Variants in FAM3B observed in about 807,000 individuals in gnomAD.
FAM3B encodes protein FAM3B.
Under a neutral mutation model 28.4 loss-of-function variants are expected in FAM3B, and 29 were observed. That is an observed-to-expected ratio of 1.02 (90% CI 0.76 to 1.39). The LOEUF (loss-of-function observed/expected upper bound fraction) is 1.39, where lower values mean the gene tolerates loss of function less well. Among genes scored for constraint, FAM3B ranks in the 40% most tolerant of loss-of-function variants. The pLI, the probability that FAM3B is intolerant of heterozygous loss-of-function variation, is 0.00. For synonymous variants in FAM3B, 91 were observed against 103.0 expected, an observed-to-expected ratio of 0.88 and a Z score of 0.71; for missense variants, 266 against 293.9, an observed-to-expected ratio of 0.91 and a Z score of 0.69.
At chr21:41,314,233 C>T (rs2088731730), upstream of FAM3B, among the ~76,000 whole-genome samples, 1 of 152,216 alleles carries the variant, frequency 6.6e-6, no homozygotes, top group South Asian at 2.1e-4. Flanking sequence ...GATCAGTCTG[C>T]AAGCCAGGGA....
At chr21:41,346,936 C>T in intron 5 of FAM3B, 77 bp from the exon 6 acceptor site, 2 of 1,274,174 alleles carry the variant, frequency 1.6e-6, no homozygotes, top group South Asian at 1.2e-5. Flanking sequence ...AATGCAGGTG[C>T]AGGAGGAAGC....
At chr21:41,354,280 A>T (rs556003807) in intron 7 of FAM3B, among the ~76,000 whole-genome samples, 16 of 152,378 alleles carry the variant, frequency 1.1e-4, no homozygotes, top group Admixed American at 2.0e-4. Context: ...CAATCCCATT[A>T]CTGGGAATAT....
intron 7 of FAM3B, among the ~76,000 whole-genome samples, chr21:41,351,419 A>G (rs1263749663): frequency 6.6e-6 from 1 of 152,178 alleles, no homozygotes. Flanking sequence ...TAAACACAGC[A>G]AGCAGTCAGT....
intron 1 of FAM3B, among the ~76,000 whole-genome samples, chr21:41,321,371 G>T (rs931439346): frequency 2.6e-5 from 4 of 152,232 alleles, no homozygotes. Flanking sequence ...TCCTGCAGAG[G>T]AGTGAGCCCG....
intron 2 of FAM3B, among the ~76,000 whole-genome samples, chr21:41,336,119 G>A (rs549987769): frequency 1.2e-4 from 18 of 152,274 alleles, no homozygotes; most frequent in African/African-American, 2.4e-4. Flanking sequence ...ATGTTTGCCC[G>A]TTTCCACCAT....
At chr21:41,322,368 C>T (rs1422193706) in intron 1 of FAM3B, among the ~76,000 whole-genome samples, 2 of 152,156 alleles carry the variant, frequency 1.3e-5, no homozygotes, top group East Asian at 3.8e-4. Context: ...GATGATAGAA[C>T]AGGTTTGGGG....
chr21:41,352,342 G>A (rs991052199), intron 7 of FAM3B, among the ~76,000 whole-genome samples: 1 of 151,916 alleles, frequency 6.6e-6, no homozygotes, highest in African/African-American at 2.4e-5. Context: ...CCTCAAGGCT[G>A]TTTCTTCTGA....
At chr21:41,307,904 G>A (rs1317992502) in intron 1 of FAM3B, among the ~76,000 whole-genome samples, 3 of 152,172 alleles carry the variant, frequency 2.0e-5, no homozygotes, top group Admixed American at 2.0e-4. Flanking sequence ...GCGCCACAGA[G>A]ACAGGAAGTA....
intron 1 of FAM3B, 129 bp from the exon 2 acceptor site, chr21:41,322,794 A>G (rs2088818548): frequency 7.1e-7 from 1 of 1,400,238 alleles, no homozygotes; most frequent in Non-Finnish European, 1.0e-6. Flanking sequence ...TCCTCCCAGG[A>G]GCACAGTGCC....
chr21:41,318,794 C>T (rs1184731942), intron 1 of FAM3B, among the ~76,000 whole-genome samples: 2 of 152,196 alleles, frequency 1.3e-5, no homozygotes, highest in Admixed American at 6.6e-5. Flanking sequence ...TTTTAGGTGG[C>T]CCTTGGACTG....
chr21:41,323,225 G>A (rs1016165398), intron 2 of FAM3B, among the ~76,000 whole-genome samples, 159 bp downstream of exon 2: 6 of 152,162 alleles, frequency 3.9e-5, no homozygotes, highest in Admixed American at 1.3e-4. Flanking sequence ...TAGGTCCCAC[G>A]CCATTCCAAG....
At chr21:41,330,148 A>T (rs974179752) in intron 2 of FAM3B, among the ~76,000 whole-genome samples, 6 of 151,890 alleles carry the variant, frequency 4.0e-5, no homozygotes, top group Non-Finnish European at 5.9e-5. Context: ...AAAAAAAAAA[A>T]AAACATAATA....
At chr21:41,327,382 A>AT (rs1399328357) in intron 2 of FAM3B, among the ~76,000 whole-genome samples, 1 of 152,218 alleles carries the variant, frequency 6.6e-6, no homozygotes, top group Non-Finnish European at 1.5e-5. Flanking sequence ...TTTGAGGCTT[A>AT]TTGACCAGAA....
intron 3 of FAM3B, among the ~76,000 whole-genome samples, chr21:41,344,027 G>A (rs1400978795): frequency 2.0e-5 from 3 of 152,176 alleles, no homozygotes; most frequent in Admixed American, 2.0e-4. Flanking sequence ...GGCTGAGATG[G>A]AAGGATTGCT....
intron 3 of FAM3B, among the ~76,000 whole-genome samples, chr21:41,340,440 C>T (rs891055079): frequency 6.6e-6 from 1 of 152,154 alleles, no homozygotes; most frequent in African/African-American, 2.4e-5. Flanking sequence ...GCATGAGCCA[C>T]CACACCCAGC....
chr21:41,306,713 T>C (rs1448158000), intron 1 of FAM3B, among the ~76,000 whole-genome samples: 1 of 152,228 alleles, frequency 6.6e-6, no homozygotes, highest in Non-Finnish European at 1.5e-5. Context: ...GGCTTTGTTT[T>C]TCCATTTCTG....
intron 1 of FAM3B, 28 bp from the exon 2 acceptor site, chr21:41,322,895 C>A (rs906972605): frequency 2.2e-5 from 36 of 1,614,190 alleles, no homozygotes; most frequent in Non-Finnish European, 3.1e-5. Flanking sequence ...AAGTCGTTCA[C>A]AGCAGCTGCT....
In FAM3B at chr21:41,353,241, T is replaced by C. The variant is rs2089137530; in HGVS notation, c.619-3867T>C. ...AAGATGTCAATACTTTCTTAATTGA[T>C]CTACAGATTTAACACAATTCCTACT... is the stretch of plus-strand genomic sequence containing the variant. On this transcript the variant is annotated intron_variant, in intron 7 of 7. Coordinates refer to ENST00000357985, the MANE Select transcript of FAM3B (RefSeq NM_058186.4). Among the ~76,000 whole-genome samples the C allele has an allele frequency of 2.0e-5, 3 of 152,224 alleles. No homozygotes were observed. In the South Asian group the frequency reaches 6.2e-4, roughly 31 times the overall value.
At chr21:41,323,258 T>C (rs2088826582) in intron 2 of FAM3B, among the ~76,000 whole-genome samples, 192 bp downstream of exon 2, 1 of 152,172 alleles carries the variant, frequency 6.6e-6, no homozygotes, top group Non-Finnish European at 1.5e-5. Context: ...GCTGACCCCA[T>C]GTGAGACTAG....
Sources: allele counts gnomAD v4.1 joint callset (sites outside exome capture counted in the v4.1 genomes callset), GRCh38; gene constraint gnomAD v4.1.1; transcripts MANE v1.5; gene names NCBI Gene and HGNC (gene_info 2026-07-23, HGNC 2026-07-21).